PRKCA: variants seen among roughly 807,000 people sequenced by gnomAD.
The protein encoded by PRKCA is protein kinase C alpha type.
PRKCA carries 27 observed loss-of-function variants against 87.0 expected under a neutral mutation model. That is an observed-to-expected ratio of 0.31 (90% confidence interval 0.23 to 0.43). PRKCA has a LOEUF of 0.43. Ranked by LOEUF, PRKCA falls within the 20% of genes least tolerant of loss-of-function variation. The pLI is 1.00. For missense variants in PRKCA, 518 were observed against 852.3 expected (o/e 0.61, Z 4.88); for synonymous variants, 329 against 311.1 (o/e 1.06, Z -0.61).
At chr17:66,421,432 T>TTG (rs200435238) in intron 2 of PRKCA, among the ~76,000 whole-genome samples, 6,215 of 147,086 alleles carry the variant, frequency 0.042, 173 homozygotes, top group Admixed American at 0.072. Context: ...GCCTCTGTTT[T>TTG]TTTTTTTTTT....
intron 3 of PRKCA, among the ~76,000 whole-genome samples, chr17:66,549,141 GTT>G (rs538579897): frequency 0.077 from 10,681 of 138,466 alleles, 380 homozygotes; most frequent in Non-Finnish European, 0.087. Flanking sequence ...GTTTATGGCA[GTT>G]TTTTTTTTTT....
intron 2 of PRKCA, among the ~76,000 whole-genome samples, chr17:66,358,993 CTTAAA>C (rs893578388): frequency 6.6e-6 from 1 of 151,804 alleles, no homozygotes; most frequent in Admixed American, 6.6e-5. Context: ...TAAAATTTGT[CTTAAA>C]TTAATAATGA....
At chr17:66,545,302 G>GCACA (rs1968115252) in intron 3 of PRKCA, among the ~76,000 whole-genome samples, 1 of 152,160 alleles carries the variant, frequency 6.6e-6, no homozygotes, top group African/African-American at 2.4e-5. Context: ...GGTGGCGGGT[G>GCACA]CCTGTAGTCC....
At chr17:66,643,420 GT>G (rs951477728) in intron 4 of PRKCA, among the ~76,000 whole-genome samples, 13 of 152,196 alleles carry the variant, frequency 8.5e-5, no homozygotes, top group Non-Finnish European at 1.8e-4. Context: ...TCAAAGTTGT[GT>G]TTGTATCAGA....
In PRKCA at chr17:66,308,348, G is replaced by T. The variant is rs905562454; in HGVS notation, c.205+2221G>T. Among the ~76,000 whole-genome samples the T allele has an allele frequency of 5.3e-5, 8 of 152,100 alleles. 1 individual carries two copies. The highest frequency in any genetic ancestry group is 3.4e-3 in the Middle Eastern group (1 of 294). ...TTTTACCAATCTGGTAGGTGAAAAG[G>T]GGCCCCTCTTTTAGATTTCCATCTC... On this transcript the variant is annotated intron_variant, in intron 2 of 16. Transcript: ENST00000413366.
chr17:66,461,274 A>G (rs184333472), intron 2 of PRKCA, among the ~76,000 whole-genome samples: 1 of 152,182 alleles, frequency 6.6e-6, no homozygotes, highest in African/African-American at 2.4e-5. Flanking sequence ...TCATGTGCCA[A>G]ATTTAATATT....
chr17:66,724,916 A>G (rs193225302), intron 8 of PRKCA, among the ~76,000 whole-genome samples: 1 of 152,352 alleles, frequency 6.6e-6, no homozygotes, highest in Non-Finnish European at 1.5e-5. Context: ...GTTGCCAAAC[A>G]ATACATTAAA....
chr17:66,767,287 T>C (rs1974832499), intron 13 of PRKCA, among the ~76,000 whole-genome samples: 1 of 152,148 alleles, frequency 6.6e-6, no homozygotes, highest in South Asian at 2.1e-4. Flanking sequence ...TATAAGGAAA[T>C]GATGTTATTT....
At chr17:66,685,356 C>T (rs993552360) in intron 5 of PRKCA, among the ~76,000 whole-genome samples, 1 of 152,168 alleles carries the variant, frequency 6.6e-6, no homozygotes, top group Non-Finnish European at 1.5e-5. Flanking sequence ...TTTGCATGTA[C>T]ACCTGCTGAG....
At chr17:66,311,118 T>C (rs1905068045) in intron 2 of PRKCA, among the ~76,000 whole-genome samples, 1 of 152,146 alleles carries the variant, frequency 6.6e-6, no homozygotes, top group Non-Finnish European at 1.5e-5. Context: ...TGGTTACCCA[T>C]CCCCAAATTG....
chr17:66,770,332 TGTAA>T (rs1974905638), intron 13 of PRKCA, among the ~76,000 whole-genome samples: 2 of 152,262 alleles, frequency 1.3e-5, no homozygotes, highest in Non-Finnish European at 2.9e-5. Flanking sequence ...AAATCTTCCA[TGTAA>T]ACATTTGTTC....
intron 3 of PRKCA, among the ~76,000 whole-genome samples, chr17:66,593,588 A>G (rs1969881771): frequency 6.6e-6 from 1 of 152,230 alleles, no homozygotes; most frequent in Non-Finnish European, 1.5e-5. Flanking sequence ...TATCACTAAA[A>G]GAAGAGGAGA....
At chr17:66,546,005 G>A (rs1017525289) in intron 3 of PRKCA, among the ~76,000 whole-genome samples, 5 of 152,040 alleles carry the variant, frequency 3.3e-5, no homozygotes, top group Admixed American at 2.0e-4. Flanking sequence ...ATGATACTTC[G>A]TTTTTTATCC....
rs749627503 is a variant in PRKCA, at chr17:66,786,860, G to A, written c.1606-7G>A. On this transcript the variant is annotated splice_region_variant and splice_polypyrimidine_tract_variant and intron_variant, in intron 14 of 16. Coordinates refer to ENST00000413366, the MANE Select transcript of PRKCA (RefSeq NM_002737.3). ...TACTTTCCCATCTTTCTTTTTTTCC[G>A]GAACAGCCTCCATTTGATGGTGAAG... 3 of 1,609,864 alleles carry A rather than the reference G, an allele frequency of 1.9e-6. No homozygotes were observed. The highest frequency in any genetic ancestry group is 2.2e-5 in the East Asian group (1 of 44,850).
chr17:66,687,074 C>T (rs1972649444), intron 5 of PRKCA, 37 bp from the exon 6 acceptor site: 4 of 1,562,566 alleles, frequency 2.6e-6, no homozygotes, highest in Middle Eastern at 1.8e-4. Flanking sequence ...TAGGTCTGTT[C>T]TCTTTTTGTA....
intron 5 of PRKCA, among the ~76,000 whole-genome samples, chr17:66,652,689 A>G (rs1971620323): frequency 6.6e-6 from 1 of 152,178 alleles, no homozygotes; most frequent in South Asian, 2.1e-4. Context: ...CTTCACTCCC[A>G]AAAACTTGGG....
At chr17:66,783,061 G>GA (rs1975279885) in intron 14 of PRKCA, among the ~76,000 whole-genome samples, 2 of 152,204 alleles carry the variant, frequency 1.3e-5, no homozygotes, top group African/African-American at 4.8e-5. Flanking sequence ...TCACAGCGGT[G>GA]AAAAACGTGA....
At chr17:66,741,518 G>A in intron 11 of PRKCA, 141 bp from the exon 12 acceptor site, 1 of 769,072 alleles carries the variant, frequency 1.3e-6, no homozygotes, top group Non-Finnish European at 2.1e-6. Context: ...AGGACCGGGG[G>A]TTGGAAGAAC....
intron 2 of PRKCA, among the ~76,000 whole-genome samples, chr17:66,437,731 T>TTTTTTTTTTTA (rs55779501): frequency 1.8e-4 from 2 of 11,142 alleles, no homozygotes; most frequent in African/African-American, 3.9e-4. Context: ...TTTTTTTTTT[T>TTTTTTTTTTTA]GAGCGGGGGG....
Sources: allele counts gnomAD v4.1 joint callset (sites outside exome capture counted in the v4.1 genomes callset), GRCh38; gene constraint gnomAD v4.1.1; transcripts MANE v1.5; gene names NCBI Gene and HGNC (gene_info 2026-07-23, HGNC 2026-07-21).